Variants in SLA observed in about 807,000 individuals in gnomAD.
The protein encoded by SLA is src-like-adapter.
A neutral mutation model predicts 30.3 loss-of-function variants in SLA; 16 were observed. That is an observed-to-expected ratio of 0.53 (90% CI 0.36 to 0.80). The LOEUF (loss-of-function observed/expected upper bound fraction) is 0.80. Ranked by LOEUF, SLA falls within the 30% of genes least tolerant of loss-of-function variation. The pLI is 0.01. For synonymous variants in SLA, 143 were observed against 137.8 expected (o/e 1.04, Z -0.26); for missense variants, 310 against 345.2 (o/e 0.90, Z 0.81).
At chr8:133,078,521 C>T (rs1845248452) in intron 1 of SLA, among the ~76,000 whole-genome samples, 1 of 152,236 alleles carries the variant, frequency 6.6e-6, no homozygotes. Context: ...CAAGAAGTCT[C>T]GAGTCCAAGA....
intron 1 of SLA, among the ~76,000 whole-genome samples, chr8:133,095,534 C>A (rs947225840): frequency 6.6e-6 from 1 of 152,166 alleles, no homozygotes; most frequent in Non-Finnish European, 1.5e-5. Flanking sequence ...ACTCCAGGAC[C>A]GTGGTGGGCA....
At chr8:133,068,954 C>T (rs1843530389) in intron 2 of SLA, among the ~76,000 whole-genome samples, 2 of 152,252 alleles carry the variant, frequency 1.3e-5, no homozygotes, top group Admixed American at 1.3e-4. Context: ...TCCTGGATAC[C>T]TCTAGATCAT....
intron 1 of SLA, among the ~76,000 whole-genome samples, chr8:133,094,341 C>T (rs778263788): frequency 1.1e-4 from 17 of 150,414 alleles, no homozygotes; most frequent in Non-Finnish European, 2.1e-4. Flanking sequence ...CCCGGGTTCA[C>T]GCCATTCTCC....
intron 2 of SLA, among the ~76,000 whole-genome samples, chr8:133,060,659 T>G (rs1190644624): frequency 6.6e-6 from 1 of 152,198 alleles, no homozygotes; most frequent in Non-Finnish European, 1.5e-5. Context: ...CTACTTTTTG[T>G]CATCCTTTTG....
chr8:133,055,363 GCGCACACACA>G (rs1298645528), intron 3 of SLA, among the ~76,000 whole-genome samples: 78 of 32,020 alleles, frequency 2.4e-3, no homozygotes, highest in East Asian at 0.015. Context: ...ACACGCACGC[GCGCACACACA>G]CACACACACA....
chr8:133,065,618 C>T (rs1044255740), intron 2 of SLA, among the ~76,000 whole-genome samples: 1 of 151,838 alleles, frequency 6.6e-6, no homozygotes, highest in African/African-American at 2.4e-5. Context: ...AAAAATTAGC[C>T]GGACATGTTG....
At chr8:133,070,509 C>T (rs1843840015) in intron 2 of SLA, among the ~76,000 whole-genome samples, 1 of 152,170 alleles carries the variant, frequency 6.6e-6, no homozygotes, top group African/African-American at 2.4e-5. Context: ...AACTGAGTCT[C>T]AGAGAGGCTA....
intron 1 of SLA, among the ~76,000 whole-genome samples, chr8:133,095,733 T>C (rs1367857717): frequency 6.6e-6 from 1 of 152,224 alleles, no homozygotes; most frequent in Non-Finnish European, 1.5e-5. Flanking sequence ...AAGGGGACAT[T>C]AGCAGGAATA....
rs1468586666 is a variant in SLA at position 133,045,100 on chromosome 8, G to A, written c.368C>T (p.Ser123Leu). Residue 123 changes from serine to leucine, a missense_variant, in exon 7 of 9, where the codon TCG (serine) becomes TTG (leucine). Transcript: ENST00000338087. ...SETKKGFYSL[S>L]VRHRQVKHYR... ...ATGCTTTACCTGCCTGTGTCTCACC[G>A]ACAGTGAGTAAAACCCTGCAGGAGG... is the stretch of plus-strand genomic sequence containing the variant. 7 of 1,614,152 alleles carry A rather than the reference G, an allele frequency of 4.3e-6. No homozygotes were observed. The highest frequency in any genetic ancestry group is 2.2e-5 in the East Asian group (1 of 44,868).
chr8:133,047,481 G>A, intron 6 of SLA: 2 of 242,096 alleles, frequency 8.3e-6, no homozygotes, highest in South Asian at 9.2e-5. Context: ...GAGCTTGAGA[G>A]CACAGCCCAG....
chr8:133,081,650 T>C (rs1017623351), intron 1 of SLA, among the ~76,000 whole-genome samples: 7 of 152,198 alleles, frequency 4.6e-5, no homozygotes, highest in Admixed American at 2.0e-4. Context: ...TGCACAGATA[T>C]GTTGATTCGT....
chr8:133,046,739 C>T (rs564324838), intron 6 of SLA, among the ~76,000 whole-genome samples: 148 of 152,266 alleles, frequency 9.7e-4, no homozygotes, highest in African/African-American at 3.4e-3. Flanking sequence ...GGATGTTTTG[C>T]TTTTGCATTG....
At chr8:133,085,437 A>G (rs922528232) in intron 1 of SLA, among the ~76,000 whole-genome samples, 7 of 152,214 alleles carry the variant, frequency 4.6e-5, no homozygotes, top group African/African-American at 1.7e-4. Context: ...ATGGGAGAAA[A>G]TATTTGCAAA....
Position 133,072,351 on chromosome 8 carries a change from G to A in SLA, c.-41+2502C>T, listed in dbSNP as rs149176854. Reference sequence around the variant, plus strand: ...TGAACAGAGTGTACTTATTTCCTTCGGAACTTGTAGGGAGATTGAGAGAGG... The same window carrying A: ...TGAACAGAGTGTACTTATTTCCTTCAGAACTTGTAGGGAGATTGAGAGAGG... On this transcript the variant is annotated intron_variant, in intron 2 of 8. Coordinates refer to ENST00000338087, the MANE Select transcript of SLA (RefSeq NM_001045556.3). Among the ~76,000 whole-genome samples the A allele has an allele frequency of 1.9e-3, 288 of 152,262 alleles. 12 individuals are homozygous for A. In the East Asian group the frequency reaches 0.047, roughly 25 times the overall value.
chr8:133,068,936 A>G (rs558817468), intron 2 of SLA, among the ~76,000 whole-genome samples: 1 of 152,394 alleles, frequency 6.6e-6, no homozygotes, highest in Non-Finnish European at 1.5e-5. Context: ...GGTTTGGCCT[A>G]GGCCAGGTCC....
intron 1 of SLA, among the ~76,000 whole-genome samples, chr8:133,093,489 G>T (rs62516035): frequency 6.6e-6 from 1 of 152,152 alleles, no homozygotes; most frequent in Non-Finnish European, 1.5e-5. Context: ...AGAAAATCAC[G>T]TGTATCTCCC....
Position 133,040,119 on chromosome 8 carries a change from C to T in SLA, c.496G>A (p.Gly166Ser). The T allele has an allele frequency of 6.3e-7, 1 of 1,577,026 alleles. No individual in the cohort carries two copies. The highest frequency in any genetic ancestry group is 8.6e-7 in the Non-Finnish European group (1 of 1,161,646). The change falls in exon 8 of 9, where the codon GGC becomes AGC. Residue 166 changes from glycine (G) to serine (S), a missense_variant. Transcript: ENST00000338087. ...LVNHYSEVADGLCCVLTTPCL... is the reference protein window; with the variant it reads ...LVNHYSEVADSLCCVLTTPCL... Reference sequence around the variant, plus strand: ...GGCGTGGTGAGCACACAGCACAGGCCATCAGCCACCTCTGAGGAGGGAAGC... The same window carrying T: ...GGCGTGGTGAGCACACAGCACAGGCTATCAGCCACCTCTGAGGAGGGAAGC...
chr8:133,082,063 A>G lies in SLA; in HGVS notation c.-318-6933T>C, dbSNP rs2739168. The stretch of plus-strand genomic sequence containing the variant: ...GCAAAGGGCACAGAGATCCTTGTGA[A>G]CTCTGTTTAAGGACACAGACAAAAG... On this transcript the variant is annotated intron_variant, in intron 1 of 8. Transcript: ENST00000338087. Among the ~76,000 whole-genome samples, 1,230 of 152,216 alleles carry G rather than the reference A, an allele frequency of 8.1e-3. 18 individuals carry two copies. Among genetic ancestry groups the G allele is most frequent in the South Asian group, 0.044 (210 of 4,818 alleles).
intron 1 of SLA, among the ~76,000 whole-genome samples, chr8:133,099,934 GCA>G (rs1483950989): frequency 1.3e-5 from 2 of 152,154 alleles, no homozygotes; most frequent in African/African-American, 4.8e-5. Context: ...TCTATGAGAA[GCA>G]CAGTAGCCAG....
Sources: allele counts gnomAD v4.1 joint callset (sites outside exome capture counted in the v4.1 genomes callset), GRCh38; gene constraint gnomAD v4.1.1; transcripts MANE v1.5; gene names NCBI Gene and HGNC (gene_info 2026-07-23, HGNC 2026-07-21).